SGCZ: variants seen among roughly 807,000 people sequenced by gnomAD.
SGCZ encodes the protein sarcoglycan zeta, also known as zeta-sarcoglycan.
A neutral mutation model predicts 41.3 loss-of-function variants in SGCZ; 40 were observed. That is an observed-to-expected ratio of 0.97 (90% CI 0.75 to 1.26). The LOEUF is 1.26. Ranked by LOEUF, SGCZ falls within the 50% of genes most tolerant of loss-of-function variation. SGCZ has a pLI of 0.00. For missense variants in SGCZ, 552 were observed against 369.8 expected, an observed-to-expected ratio of 1.49 and a Z score of -4.04; for synonymous variants, 206 against 137.5, an observed-to-expected ratio of 1.50 and a Z score of -3.49.
At chr8:14,594,615 T>C (rs182733000) in intron 1 of SGCZ, among the ~76,000 whole-genome samples, 11 of 151,628 alleles carry the variant, frequency 7.3e-5, no homozygotes, top group African/African-American at 4.9e-5. Flanking sequence ...ATACTCTGGA[T>C]AGTTTTCTCC....
intron 1 of SGCZ, among the ~76,000 whole-genome samples, chr8:15,129,215 A>C (rs2116968891): frequency 6.6e-6 from 1 of 152,232 alleles, no homozygotes; most frequent in African/African-American, 2.4e-5. Flanking sequence ...TGCCGGGAGT[A>C]GTTTTTGTCT....
At chr8:14,143,297 A>G (rs917967329) in intron 5 of SGCZ, among the ~76,000 whole-genome samples, 2 of 152,232 alleles carry the variant, frequency 1.3e-5, no homozygotes, top group African/African-American at 4.8e-5. Context: ...TTACTAAAAT[A>G]GCACTTGGAT....
In SGCZ at chr8:14,086,726, A is replaced by G. The variant is rs953488578; in HGVS notation, c.*3717T>C. ...AAGGAACCTTAATGTTCAAATGTTA[A>G]GAGTGTAAAAGGGAGTATAAAAAAG... On this transcript the variant is annotated 3_prime_UTR_variant, in exon 8 of 8. Transcript: ENST00000382080. 2.0e-5 allele frequency among the ~76,000 whole-genome samples: 3 copies of G among 151,710 alleles called. No homozygotes were observed. Among genetic ancestry groups the G allele is most frequent in the African/African-American group, 7.2e-5 (3 of 41,404 alleles).
At chr8:14,379,893 G>T (rs538525586) in intron 2 of SGCZ, among the ~76,000 whole-genome samples, 1 of 151,850 alleles carries the variant, frequency 6.6e-6, no homozygotes, top group Non-Finnish European at 1.5e-5. Flanking sequence ...CACCACGCCC[G>T]CCTACTTTTT....
intron 4 of SGCZ, among the ~76,000 whole-genome samples, chr8:14,167,734 C>T (rs1319411806): frequency 6.6e-6 from 1 of 152,162 alleles, no homozygotes; most frequent in Non-Finnish European, 1.5e-5. Flanking sequence ...TCACCAAGGA[C>T]AAGCATAAAG....
intron 2 of SGCZ, among the ~76,000 whole-genome samples, chr8:14,546,620 T>G (rs561950699): frequency 3.2e-4 from 48 of 152,240 alleles, no homozygotes; most frequent in Non-Finnish European, 4.4e-4. Context: ...TATGAGAGAT[T>G]AGGTACATTC....
At chr8:14,550,277 T>A (rs902541924) in intron 2 of SGCZ, among the ~76,000 whole-genome samples, 3 of 151,384 alleles carry the variant, frequency 2.0e-5, no homozygotes, top group African/African-American at 7.3e-5. Flanking sequence ...AATATAATGG[T>A]TGAATTGTAT....
intron 5 of SGCZ, among the ~76,000 whole-genome samples, chr8:14,147,258 A>C (rs1348023141): frequency 2.6e-5 from 4 of 152,136 alleles, no homozygotes; most frequent in Non-Finnish European, 4.4e-5. Context: ...ATCCAATCAA[A>C]AGACAGTGAC....
intron 1 of SGCZ, among the ~76,000 whole-genome samples, chr8:15,179,282 T>C (rs1224101316): frequency 1.3e-5 from 2 of 152,186 alleles, no homozygotes; most frequent in African/African-American, 4.8e-5. Context: ...TGTATATGAA[T>C]AGTGAATTAT....
chr8:15,200,373 A>C (rs1321561815), intron 1 of SGCZ, among the ~76,000 whole-genome samples: 1 of 152,200 alleles, frequency 6.6e-6, no homozygotes, highest in East Asian at 1.9e-4. Flanking sequence ...ATCATGTTCC[A>C]GGCCATCACT....
intron 1 of SGCZ, among the ~76,000 whole-genome samples, chr8:14,614,302 T>C (rs1210982808): frequency 2.0e-5 from 3 of 152,108 alleles, no homozygotes. Flanking sequence ...TTGAAGAACA[T>C]ATTTTTCCAT....
chr8:15,145,667 C>T (rs201743451), intron 1 of SGCZ, among the ~76,000 whole-genome samples: 2 of 152,140 alleles, frequency 1.3e-5, no homozygotes, highest in East Asian at 3.9e-4. Flanking sequence ...GTTTCCGAGG[C>T]TGGTCTCAAA....
intron 1 of SGCZ, among the ~76,000 whole-genome samples, chr8:14,833,064 G>A (rs540524617): frequency 6.6e-6 from 1 of 151,902 alleles, no homozygotes; most frequent in South Asian, 2.1e-4. Context: ...ATATACTGAA[G>A]CATAGTAGAA....
intron 1 of SGCZ, among the ~76,000 whole-genome samples, chr8:14,630,503 C>T (rs1806611198): frequency 6.6e-6 from 1 of 151,946 alleles, no homozygotes; most frequent in Non-Finnish European, 1.5e-5. Context: ...ACCATTTGAC[C>T]CAGCCATCCC....
chr8:15,191,149 A>G (rs1800524180), intron 1 of SGCZ, among the ~76,000 whole-genome samples: 1 of 152,108 alleles, frequency 6.6e-6, no homozygotes, highest in South Asian at 2.1e-4. Flanking sequence ...AAAAAAATCT[A>G]AAAGGCTTTG....
In SGCZ at chr8:15,151,661, A is replaced by G. The variant is rs577056241; in HGVS notation, c.39+85924T>C. ...TATTTTCACTTGGATGTACATGTAT[A>G]CACATACATAAAGAGCCAACTATAT... is the stretch of plus-strand genomic sequence containing the variant. On this transcript the variant is annotated intron_variant, in intron 1 of 7. Coordinates refer to ENST00000382080, the MANE Select transcript of SGCZ (RefSeq NM_139167.4). Among the ~76,000 whole-genome samples the G allele has an allele frequency of 1.3e-4, 20 of 152,364 alleles. No individual in the cohort carries two copies. In the South Asian group the frequency reaches 4.1e-3, roughly 32 times the overall value.
At chr8:14,744,857 C>A (rs142995401) in intron 1 of SGCZ, among the ~76,000 whole-genome samples, 1 of 152,062 alleles carries the variant, frequency 6.6e-6, no homozygotes, top group South Asian at 2.1e-4. Context: ...CAGGGACTAT[C>A]GTCTTCTCTT....
intron 1 of SGCZ, among the ~76,000 whole-genome samples, chr8:14,761,417 A>C (rs899099237): frequency 7.2e-5 from 11 of 151,896 alleles, no homozygotes; most frequent in Non-Finnish European, 1.3e-4. Context: ...ATGGAAAACA[A>C]AGCAGTCTTC....
intron 1 of SGCZ, among the ~76,000 whole-genome samples, chr8:15,000,783 C>G (rs947924833): frequency 1.3e-5 from 2 of 152,180 alleles, no homozygotes; most frequent in African/African-American, 4.8e-5. Flanking sequence ...TCCAGCCTGC[C>G]TATAAAATCT....
Sources: allele counts gnomAD v4.1 joint callset (sites outside exome capture counted in the v4.1 genomes callset), GRCh38; gene constraint gnomAD v4.1.1; transcripts MANE v1.5; gene names NCBI Gene and HGNC (gene_info 2026-07-23, HGNC 2026-07-21).